The following RNF217 variants were observed in gnomAD, a reference collection of about 807,000 sequenced individuals.
RNF217 encodes E3 ubiquitin-protein ligase RNF217.
RNF217 carries 31 observed loss-of-function variants against 57.8 expected under a neutral mutation model. The ratio of observed to expected loss-of-function variants is 0.54; its 90% CI spans 0.40 to 0.72. The LOEUF is 0.72. Among genes scored for constraint, RNF217 ranks in the 30% least tolerant of loss-of-function variants. The pLI is 0.00. For missense variants in RNF217, 696 were observed against 708.3 expected (o/e 0.98, Z 0.20); for synonymous variants, 313 against 294.0 (o/e 1.06, Z -0.66).
At chr6:124,983,763 G>A (rs1427209089) in intron 1 of RNF217, among the ~76,000 whole-genome samples, 3 of 152,160 alleles carry the variant, frequency 2.0e-5, no homozygotes, top group African/African-American at 7.2e-5. Context: ...ATAACTATAA[G>A]ACTCTTGGAA....
intron 1 of RNF217, among the ~76,000 whole-genome samples, chr6:125,032,497 A>G (rs1445592702): frequency 6.6e-6 from 1 of 151,852 alleles, no homozygotes; most frequent in Non-Finnish European, 1.5e-5. Context: ...TCTCCAGAAT[A>G]TTTTGTCAAG....
intron 1 of RNF217, among the ~76,000 whole-genome samples, chr6:124,986,296 T>C (rs1002303600): frequency 6.6e-6 from 1 of 152,228 alleles, no homozygotes; most frequent in Non-Finnish European, 1.5e-5. Context: ...TTGGTGATTG[T>C]CAGGTTGACC....
chr6:125,013,986 A>G (rs1043737161), intron 1 of RNF217, among the ~76,000 whole-genome samples: 3 of 152,204 alleles, frequency 2.0e-5, no homozygotes, highest in Admixed American at 2.0e-4. Flanking sequence ...GTCTCTGTTT[A>G]TAAAAGAAAT....
intron 1 of RNF217, among the ~76,000 whole-genome samples, chr6:125,036,230 T>A (rs1786609470): frequency 6.6e-6 from 1 of 152,148 alleles, no homozygotes; most frequent in African/African-American, 2.4e-5. Flanking sequence ...TCCAGCTTCA[T>A]CCATGTCCCT....
At chr6:125,042,512 C>G (rs1786922342) in intron 1 of RNF217, among the ~76,000 whole-genome samples, 1 of 151,734 alleles carries the variant, frequency 6.6e-6, no homozygotes, top group Non-Finnish European at 1.5e-5. Flanking sequence ...GATTTTGGAG[C>G]CTTGAGAAAG....
intron 1 of RNF217, among the ~76,000 whole-genome samples, chr6:124,963,970 T>C (rs1235202923): frequency 6.6e-6 from 1 of 152,248 alleles, no homozygotes; most frequent in Admixed American, 6.5e-5. Context: ...AAAGTTGAAG[T>C]ACTTTTCTTT....
rs1396092285 is a variant in RNF217 at position 125,092,471 on chromosome 6, ACACT to A, written c.*9540_*9543del. On this transcript the variant is annotated 3_prime_UTR_variant, in exon 6 of 6. Coordinates refer to ENST00000521654, the MANE Select transcript of RNF217 (RefSeq NM_001286398.3). ...TCAGATTGCATGGAAGAATATAAAG[ACACT>A]CACTCGGATGAAAACTATAACGGTT... 7.2e-5 allele frequency: 11 copies of A among 152,192 alleles called. No homozygotes were observed. Among genetic ancestry groups the A allele is most frequent in the Admixed American group, 1.3e-4 (2 of 15,280 alleles). The allele number at this position is 152,192 out of a possible 1,614,324, so 9.4% of individuals were successfully genotyped here.
intron 1 of RNF217, among the ~76,000 whole-genome samples, chr6:124,981,552 A>G (rs1784161683): frequency 1.3e-5 from 2 of 152,180 alleles, no homozygotes; most frequent in Non-Finnish European, 2.9e-5. Context: ...CACTGAATAT[A>G]CAATTTAGTC....
intron 1 of RNF217, among the ~76,000 whole-genome samples, chr6:125,015,943 A>G (rs1011859866): frequency 3.3e-5 from 5 of 152,200 alleles, no homozygotes; most frequent in Admixed American, 1.3e-4. Flanking sequence ...GTTCACCAGC[A>G]TAAGTAGATC....
chr6:125,042,376 G>C (rs1173450415), intron 1 of RNF217, among the ~76,000 whole-genome samples: 2 of 152,004 alleles, frequency 1.3e-5, no homozygotes, highest in African/African-American at 4.8e-5. Flanking sequence ...CCCTCTACAG[G>C]GGGAAGACAG....
chr6:125,076,640 C>G lies in RNF217; in HGVS notation c.1282-17C>G. On this transcript the variant is annotated splice_polypyrimidine_tract_variant and intron_variant, in intron 3 of 5. Transcript: ENST00000521654. ...CAGCTAACTCTTTCCTTCTCCTTCCCTCTCTTGCTGATACAGATCCACATC... is the reference window on the plus strand; with the variant it reads ...CAGCTAACTCTTTCCTTCTCCTTCCGTCTCTTGCTGATACAGATCCACATC... 1 of 1,582,254 alleles carries G rather than the reference C, an allele frequency of 6.3e-7. No individual in the cohort carries two copies. Among genetic ancestry groups the G allele is most frequent in the South Asian group, 1.1e-5 (1 of 90,372 alleles).
At chr6:125,021,693 A>G (rs1785845914) in intron 1 of RNF217, among the ~76,000 whole-genome samples, 1 of 152,166 alleles carries the variant, frequency 6.6e-6, no homozygotes, top group East Asian at 1.9e-4. Context: ...GGATGGTAAG[A>G]CAAAGCCTGA....
At chr6:125,076,943 C>A (rs1223697188) in intron 4 of RNF217, 85 bp downstream of exon 4, 9 of 1,141,642 alleles carry the variant, frequency 7.9e-6, no homozygotes, top group Non-Finnish European at 1.1e-5. Context: ...CATGGTAATT[C>A]AGAGCACCTG....
At chr6:125,011,403 C>A (rs1466650923) in intron 1 of RNF217, among the ~76,000 whole-genome samples, 1 of 152,058 alleles carries the variant, frequency 6.6e-6, no homozygotes, top group Non-Finnish European at 1.5e-5. Context: ...GAAGGCTCAG[C>A]GAGGATAGAC....
intron 3 of RNF217, among the ~76,000 whole-genome samples, chr6:125,058,991 G>A (rs1045702969): frequency 3.3e-5 from 5 of 152,114 alleles, no homozygotes; most frequent in Non-Finnish European, 5.9e-5. Flanking sequence ...CCAGATAAAT[G>A]AAACTTGAAT....
rs577973257 is a variant in RNF217 at position 124,996,185 on chromosome 6, C to T, written c.882+32759C>T. On this transcript the variant is annotated intron_variant, in intron 1 of 5. Coordinates refer to ENST00000521654, the MANE Select transcript of RNF217 (RefSeq NM_001286398.3). Reference sequence around the variant, plus strand: ...CTCCATAACCTCAACAGTACTTCATCGTATATTTAAGTGTTTTGCCAGTCT... The same window carrying T: ...CTCCATAACCTCAACAGTACTTCATTGTATATTTAAGTGTTTTGCCAGTCT... 1.5e-4 allele frequency among the ~76,000 whole-genome samples: 23 copies of T among 152,132 alleles called. No individual in the cohort carries two copies. The East Asian group carries it at 3.9e-3, about 26-fold the overall frequency.
rs148497783 is a variant in RNF217, at chr6:125,072,972, G to A, written c.1282-3685G>A. ...TGGTGCAGTTATAAGGCTTAAAAGT[G>A]CTAATCTGTGTACAATGCTTGGCAC... On this transcript the variant is annotated intron_variant, in intron 3 of 5. Coordinates refer to ENST00000521654, the MANE Select transcript of RNF217 (RefSeq NM_001286398.3). Among the ~76,000 whole-genome samples, 623 of 152,296 alleles carry A rather than the reference G, an allele frequency of 4.1e-3. 5 individuals carry two copies. The highest frequency in any genetic ancestry group is 0.014 in the African/African-American group (600 of 41,570).
rs1788696983 is a variant in RNF217 at position 125,084,108 on chromosome 6, TTTTA to T, written c.*1175_*1178del. 2 of 152,160 alleles carry T rather than the reference TTTTA, an allele frequency of 1.3e-5. No individual in the cohort carries two copies. Among genetic ancestry groups the T allele is most frequent in the East Asian group, 1.9e-4 (1 of 5,176 alleles). 9.4% of individuals were successfully genotyped at this position (152,160 alleles called of 1,614,324 possible). A position where few individuals can be genotyped will look rare whatever the true frequency, so the allele number is the denominator to read the frequency against. ...TTATCTCTTGCCTCCTCCTCTCTGT[TTTTA>T]TTTGTTTTCAAGGTTTTTCATAAAA... On this transcript the variant is annotated 3_prime_UTR_variant, in exon 6 of 6. Coordinates refer to ENST00000521654, the MANE Select transcript of RNF217 (RefSeq NM_001286398.3).
intron 1 of RNF217, among the ~76,000 whole-genome samples, chr6:125,020,495 C>T (rs1333313382): frequency 6.6e-6 from 1 of 152,090 alleles, no homozygotes; most frequent in African/African-American, 2.4e-5. Flanking sequence ...GGGCTGGAGC[C>T]TAGTCATCCA....
Sources: allele counts gnomAD v4.1 joint callset (sites outside exome capture counted in the v4.1 genomes callset), GRCh38; gene constraint gnomAD v4.1.1; transcripts MANE v1.5; gene names NCBI Gene and HGNC (gene_info 2026-07-23, HGNC 2026-07-21).